XPO4: variants seen among roughly 807,000 people sequenced by gnomAD.
XPO4 encodes the protein exportin 4, also known as exportin-4.
XPO4 carries 39 observed loss-of-function variants against 143.0 expected under a neutral mutation model. That is an observed-to-expected ratio of 0.27 (90% CI 0.21 to 0.36). The LOEUF (loss-of-function observed/expected upper bound fraction) is 0.36, where lower values mean the gene tolerates loss of function less well. Ranked by LOEUF, XPO4 falls within the 10% of genes least tolerant of loss-of-function variation. The probability of loss-of-function intolerance (pLI) is 1.00; values close to 1 mark genes in which losing one functional copy is unlikely to be tolerated. For missense variants in XPO4, 907 were observed against 1,348.0 expected, an observed-to-expected ratio of 0.67 and a Z score of 5.12; for synonymous variants, 439 against 474.0, an observed-to-expected ratio of 0.93 and a Z score of 0.96.
intron 13 of XPO4, among the ~76,000 whole-genome samples, chr13:20,804,624 G>T (rs185551232): frequency 6.6e-6 from 1 of 152,194 alleles, no homozygotes; most frequent in Non-Finnish European, 1.5e-5. Context: ...CATAGGAGTT[G>T]AAATACAACT....
intron 4 of XPO4, chr13:20,851,096 T>G (rs1377068554): frequency 4.1e-6 from 4 of 985,244 alleles, no homozygotes; most frequent in Non-Finnish European, 4.8e-6. Flanking sequence ...CTGTCATTTA[T>G]ATCTGAGACT....
At chr13:20,879,103 C>T in intron 1 of XPO4, 1 of 985,322 alleles carries the variant, frequency 1.0e-6, no homozygotes, top group Non-Finnish European at 1.2e-6. Flanking sequence ...TGTGTTTACC[C>T]TGGAGACATG....
chr13:20,792,273 C>G (rs2059293085), intron 18 of XPO4, among the ~76,000 whole-genome samples: 1 of 152,032 alleles, frequency 6.6e-6, no homozygotes, highest in Admixed American at 6.5e-5. Flanking sequence ...TGGCAAAACC[C>G]CATCTCTACT....
intron 22 of XPO4, among the ~76,000 whole-genome samples, chr13:20,785,018 C>A (rs551638919): frequency 2.6e-5 from 4 of 152,126 alleles, no homozygotes; most frequent in African/African-American, 9.7e-5. Context: ...CAGGCATGCA[C>A]CACCATCCCT....
Position 20,879,089 on chromosome 13 carries a change from C to T in XPO4, c.70-10388G>A, listed in dbSNP as rs910965834. The T allele has an allele frequency of 4.1e-6, 4 of 980,494 alleles. No homozygotes were observed. The South Asian group carries it at 1.9e-4, about 46-fold the overall frequency. 60.7% of individuals were successfully genotyped at this position (980,494 alleles called of 1,614,324 possible). The stretch of plus-strand genomic sequence containing the variant: ...AGGGATCCAAAGATGAATGCAAGCA[C>T]TCATGTGTTTACCCTGGAGACATGT... On this transcript the variant is annotated intron_variant, in intron 1 of 22. Transcript: ENST00000255305.
chr13:20,800,385 AAC>A (rs1396831069), intron 14 of XPO4, 60 bp from the exon 15 acceptor site: 5 of 1,526,138 alleles, frequency 3.3e-6, no homozygotes, highest in East Asian at 2.3e-5. Flanking sequence ...AGAAAAAAAA[AAC>A]AGAGAAAAAT....
intron 1 of XPO4, among the ~76,000 whole-genome samples, chr13:20,900,461 G>C (rs1450892929): frequency 6.6e-6 from 1 of 152,048 alleles, no homozygotes; most frequent in Non-Finnish European, 1.5e-5. Context: ...TAAAGGGCTT[G>C]GCACAGCGCC....
At chr13:20,809,405 T>C (rs2059548782) in intron 10 of XPO4, among the ~76,000 whole-genome samples, 180 bp from the exon 11 acceptor site, 1 of 151,906 alleles carries the variant, frequency 6.6e-6, no homozygotes, top group Non-Finnish European at 1.5e-5. Flanking sequence ...ACAGCCGTGG[T>C]AGTTATCAAA....
chr13:20,808,345 T>C (rs911225860), intron 12 of XPO4, 91 bp downstream of exon 12: 5 of 1,309,360 alleles, frequency 3.8e-6, no homozygotes, highest in Non-Finnish European at 5.1e-6. Flanking sequence ...CAATATTATA[T>C]ATACACTATT....
At chr13:20,828,198 C>T (rs1017047977) in intron 6 of XPO4, among the ~76,000 whole-genome samples, 1 of 152,152 alleles carries the variant, frequency 6.6e-6, no homozygotes, top group African/African-American at 2.4e-5. Context: ...CGAGATCACA[C>T]CATTGCACTC....
At chr13:20,894,122 G>GT (rs2060545415) in intron 1 of XPO4, among the ~76,000 whole-genome samples, 1 of 152,168 alleles carries the variant, frequency 6.6e-6, no homozygotes, top group South Asian at 2.1e-4. Context: ...GATTACAGGT[G>GT]TAAGCCACGG....
intron 9 of XPO4, among the ~76,000 whole-genome samples, chr13:20,820,540 T>C (rs909980475): frequency 4.6e-5 from 7 of 152,232 alleles, no homozygotes; most frequent in Non-Finnish European, 1.0e-4. Context: ...TGTGATCATT[T>C]GAAAGAGGTT....
chr13:20,849,812 T>A (rs183959807), intron 4 of XPO4: 30 of 985,322 alleles, frequency 3.0e-5, no homozygotes, highest in Non-Finnish European at 3.6e-5. Flanking sequence ...TTTTTAAAAA[T>A]ACACACAAAT....
intron 1 of XPO4, among the ~76,000 whole-genome samples, chr13:20,873,345 A>T (rs903190267): frequency 6.6e-6 from 1 of 152,158 alleles, no homozygotes; most frequent in East Asian, 1.9e-4. Context: ...TTTCAAGGAG[A>T]GACAGAGAGA....
chr13:20,873,333 T>C (rs1260890789), intron 1 of XPO4, among the ~76,000 whole-genome samples: 1 of 152,122 alleles, frequency 6.6e-6, no homozygotes, highest in Non-Finnish European at 1.5e-5. Context: ...TTAACTGACA[T>C]ATTTCAAGGA....
At chr13:20,902,512 T>C in intron 1 of XPO4, 158 bp downstream of exon 1, 1 of 985,378 alleles carries the variant, frequency 1.0e-6, no homozygotes, top group South Asian at 4.7e-5. Flanking sequence ...GAAAGTAGGC[T>C]GAAGAATCCT....
At chr13:20,862,974 C>CT (rs1236108124) in intron 2 of XPO4, 116 bp from the exon 3 acceptor site, 32 of 1,504,652 alleles carry the variant, frequency 2.1e-5, no homozygotes, top group Admixed American at 8.6e-5. Flanking sequence ...GTTACCTGTT[C>CT]TTTTTTTTAT....
chr13:20,836,295 G>A (rs1213089741), intron 6 of XPO4, among the ~76,000 whole-genome samples: 2 of 151,990 alleles, frequency 1.3e-5, no homozygotes, highest in Non-Finnish European at 2.9e-5. Flanking sequence ...ACTGATATTC[G>A]GTGTAGATCA....
intron 1 of XPO4, among the ~76,000 whole-genome samples, chr13:20,884,061 C>T (rs768164678): frequency 1.3e-5 from 2 of 152,176 alleles, no homozygotes; most frequent in Admixed American, 6.5e-5. Flanking sequence ...CCACCACACC[C>T]GGCCAAACAT....
Sources: gnomAD v4.1 joint callset for allele counts (sites outside exome capture counted in the v4.1 genomes callset) on GRCh38, gnomAD v4.1.1 for gene constraint, MANE v1.5 for transcripts, NCBI Gene and HGNC (gene_info 2026-07-23, HGNC 2026-07-21) for gene names.